R3HDM1: variants seen among roughly 807,000 people sequenced by gnomAD.
R3HDM1 encodes the protein R3H domain-containing protein 1.
R3HDM1 carries 46 observed loss-of-function variants against 141.1 expected under a neutral mutation model. The ratio of observed to expected loss-of-function variants is 0.33; its 90% CI spans 0.26 to 0.42. The LOEUF is 0.42. R3HDM1 is among the 10% of genes least tolerant of loss of function. The pLI is 1.00. For synonymous variants in R3HDM1, 435 were observed against 472.9 expected, an observed-to-expected ratio of 0.92 and a Z score of 1.04; for missense variants, 1,184 against 1,368.3, an observed-to-expected ratio of 0.87 and a Z score of 2.12.
intron 17 of R3HDM1, chr2:135,650,584 G>A: frequency 5.1e-6 from 5 of 980,082 alleles, no homozygotes; most frequent in Non-Finnish European, 6.1e-6. Context: ...TACAATTATG[G>A]TACTTCTGTT....
At chr2:135,535,444 A>G (rs1369815396) in intron 1 of R3HDM1, among the ~76,000 whole-genome samples, 1 of 151,984 alleles carries the variant, frequency 6.6e-6, no homozygotes, top group Non-Finnish European at 1.5e-5. Flanking sequence ...GGTTGCGGTG[A>G]GCTGAGATTG....
chr2:135,606,401 T>C (rs1448347096), intron 3 of R3HDM1: 3 of 151,992 alleles, frequency 2.0e-5, no homozygotes, highest in African/African-American at 7.3e-5. Context: ...GGCCAGAGGA[T>C]GGGGAATTAG....
At chr2:135,642,992 CTAT>C (rs1252919347) in intron 15 of R3HDM1, among the ~76,000 whole-genome samples, 2 of 151,808 alleles carry the variant, frequency 1.3e-5, no homozygotes, top group East Asian at 1.9e-4. Context: ...TTACTTTTTC[CTAT>C]TATTTTTCAT....
intron 5 of R3HDM1, among the ~76,000 whole-genome samples, chr2:135,620,083 ATAGTT>A (rs2061399612): frequency 6.6e-6 from 1 of 152,142 alleles, no homozygotes; most frequent in South Asian, 2.1e-4. Flanking sequence ...TCTTGATAAA[ATAGTT>A]TAGTATCTGT....
In R3HDM1 at chr2:135,651,897, GCCA is replaced by G. The variant is rs777809703; in HGVS notation, c.1905_1907del (p.Pro640del). On this transcript the variant is annotated inframe_deletion, in exon 18 of 27. Coordinates refer to ENST00000683871, the MANE Select transcript of R3HDM1 (RefSeq NM_001378107.1). ...CCCCTCCACCACATCCTCCTCCACC[GCCA>G]CCACCACCACCTCCTCCTCCTCCCC... 1.4e-5 allele frequency: 20 copies of G among 1,459,470 alleles called. No homozygotes were observed. The South Asian group carries it at 2.2e-4, about 16-fold the overall frequency. The allele number at this position is 1,459,470 out of a possible 1,614,324, so 90.4% of individuals were successfully genotyped here.
intron 1 of R3HDM1, among the ~76,000 whole-genome samples, chr2:135,590,268 T>C (rs1238593439): frequency 6.6e-6 from 1 of 152,146 alleles, no homozygotes; most frequent in Non-Finnish European, 1.5e-5. Flanking sequence ...AGTTTGAAAA[T>C]ATACAGTGAC....
chr2:135,612,517 A>G (rs1336112067), intron 3 of R3HDM1, among the ~76,000 whole-genome samples: 1 of 152,118 alleles, frequency 6.6e-6, no homozygotes, highest in East Asian at 1.9e-4. Flanking sequence ...GTAGCTGGTA[A>G]CTCTGACAAC....
chr2:135,724,021 A>C lies in R3HDM1; in HGVS notation c.3134A>C (p.Lys1045Thr). 2 of 1,614,000 alleles carry C rather than the reference A, an allele frequency of 1.2e-6. No homozygotes were observed. The highest frequency in any genetic ancestry group is 1.7e-6 in the Non-Finnish European group (2 of 1,180,020). Residue 1045 changes from lysine (K) to threonine (T), a missense_variant, in exon 27 of 27, where the codon AAA becomes ACA. Around this residue, in one of 5 missense-constraint regions of R3HDM1, gnomAD observed 182 missense variants for 252.6 expected, o/e 0.72. Coordinates refer to ENST00000683871, the MANE Select transcript of R3HDM1 (RefSeq NM_001378107.1). ...GAAAAGCTTTTTGGGGAACTCTTTA[A>C]AATTGGCGCCAAGATCCGGTGGCTC... ...EAEKLFGELF[K>T]IGAKIRWLRD...
chr2:135,534,679 G>A (rs1259620113), intron 1 of R3HDM1, among the ~76,000 whole-genome samples: 2 of 152,166 alleles, frequency 1.3e-5, no homozygotes, highest in Non-Finnish European at 1.5e-5. Context: ...GTGGGCCTCC[G>A]AAGTCATTGA....
At chr2:135,569,973 G>A (rs749835799) in intron 1 of R3HDM1, among the ~76,000 whole-genome samples, 2 of 152,014 alleles carry the variant, frequency 1.3e-5, no homozygotes, top group African/African-American at 4.8e-5. Context: ...TGATCTGTCC[G>A]CCTCGGCCTC....
intron 19 of R3HDM1, chr2:135,667,747 T>C: frequency 7.1e-6 from 7 of 982,422 alleles, no homozygotes; most frequent in Non-Finnish European, 8.5e-6. Context: ...CTCAGCCTTC[T>C]CCCTCTTTTC....
At chr2:135,642,708 T>G (rs1212993889) in intron 15 of R3HDM1, among the ~76,000 whole-genome samples, 1 of 152,096 alleles carries the variant, frequency 6.6e-6, no homozygotes, top group East Asian at 1.9e-4. Context: ...CAGATACGGG[T>G]GGGAGTATAA....
intron 24 of R3HDM1, among the ~76,000 whole-genome samples, chr2:135,720,232 A>G (rs147862285): frequency 4.0e-3 from 604 of 152,166 alleles, no homozygotes; most frequent in Middle Eastern, 0.02. Context: ...CCTTCCATCT[A>G]TAGGTTGGGA....
chr2:135,549,534 C>G (rs1365190792), intron 1 of R3HDM1, among the ~76,000 whole-genome samples: 1 of 136,626 alleles, frequency 7.3e-6, no homozygotes, highest in Non-Finnish European at 1.5e-5. Context: ...GCACTCCAGC[C>G]TGGGTGACAA....
At chr2:135,633,558 C>G (rs1047496947) in intron 9 of R3HDM1, among the ~76,000 whole-genome samples, 1 of 152,006 alleles carries the variant, frequency 6.6e-6, no homozygotes, top group Non-Finnish European at 1.5e-5. Context: ...TAATTATAAT[C>G]AGACAGTTCA....
chr2:135,630,658 G>A (rs2062619302), intron 7 of R3HDM1, among the ~76,000 whole-genome samples: 2 of 152,168 alleles, frequency 1.3e-5, no homozygotes, highest in East Asian at 3.8e-4. Flanking sequence ...GGGGCTACCA[G>A]TTCTTCTATT....
At chr2:135,672,710 G>A (rs537360297) in intron 19 of R3HDM1, among the ~76,000 whole-genome samples, 19 of 152,152 alleles carry the variant, frequency 1.2e-4, no homozygotes, top group African/African-American at 4.6e-4. Flanking sequence ...CAAAATGTAC[G>A]TGGTGTTTGT....
At chr2:135,707,495 A>G (rs765387975) in intron 21 of R3HDM1, among the ~76,000 whole-genome samples, 4 of 152,202 alleles carry the variant, frequency 2.6e-5, no homozygotes, top group Non-Finnish European at 5.9e-5. Flanking sequence ...CTAGAAACCC[A>G]CTAGAGTGGT....
intron 18 of R3HDM1, among the ~76,000 whole-genome samples, chr2:135,652,723 C>A (rs987985987): frequency 6.6e-6 from 1 of 152,106 alleles, no homozygotes; most frequent in Non-Finnish European, 1.5e-5. Context: ...GATGTTATTT[C>A]TTCTCGCATG....
Sources: gnomAD v4.1 joint callset for allele counts (sites outside exome capture counted in the v4.1 genomes callset) on GRCh38, gnomAD v4.1.1 for gene constraint, gnomAD v4.1.1 regional missense constraint, MANE v1.5 for transcripts, NCBI Gene and HGNC (gene_info 2026-07-23, HGNC 2026-07-21) for gene names.